BLM: variants seen among roughly 807,000 people sequenced by gnomAD.
The protein encoded by BLM is recQ-like DNA helicase BLM.
Under a neutral mutation model 135.3 loss-of-function variants are expected in BLM, and 95 were observed. The ratio of observed to expected loss-of-function variants is 0.70; its 90% CI spans 0.59 to 0.83. BLM has a LOEUF of 0.83. Ranked by LOEUF, BLM falls within the 40% of genes least tolerant of loss-of-function variation. The pLI is 0.00. For missense variants in BLM, 1,518 were observed against 1,663.9 expected (o/e 0.91, Z 1.53); for synonymous variants, 520 against 589.2 (o/e 0.88, Z 1.70).
At chr15:90,747,132 G>A (rs1169157783) in intron 1 of BLM, among the ~76,000 whole-genome samples, 1 of 150,022 alleles carries the variant, frequency 6.7e-6, no homozygotes, top group Admixed American at 6.7e-5. Flanking sequence ...TGTGGAGGAA[G>A]AGAGGGGGAA....
chr15:90,740,367 C>G (rs575472567), intron 1 of BLM, among the ~76,000 whole-genome samples: 1 of 152,276 alleles, frequency 6.6e-6, no homozygotes, highest in South Asian at 2.1e-4. Context: ...TTTCACTTAA[C>G]ATAATGGTTT....
rs1895330948 is a variant in BLM at position 90,740,281 on chromosome 15, A to G, written c.-4-7108A>G. Among the ~76,000 whole-genome samples the G allele has an allele frequency of 1.3e-5, 2 of 152,188 alleles. 1 individual carries two copies. The highest frequency in any genetic ancestry group is 4.1e-4 in the South Asian group (2 of 4,826). On this transcript the variant is annotated intron_variant, in intron 1 of 21. Transcript: ENST00000355112. ...CTAGGCAATCAGTAGTCTACACTGT[A>G]TCCATGGATATGTCTATTCTTATAC...
intron 1 of BLM, among the ~76,000 whole-genome samples, chr15:90,727,184 T>A (rs1596198269): frequency 6.6e-6 from 1 of 152,294 alleles, no homozygotes; most frequent in East Asian, 1.9e-4. Context: ...TTTTAATTTT[T>A]AAAATTTTTT....
At position 90,749,396 on chromosome 15, in the gene BLM, C is replaced by T; in HGVS notation, c.128C>T (p.Ser43Leu). 3 of 1,606,110 alleles carry T rather than the reference C, an allele frequency of 1.9e-6. No homozygotes were observed. The South Asian group carries it at 3.3e-5, about 18-fold the overall frequency. ...TTCACTTTTAAAAAGAAAACATCTT[C>T]AGATAACAATGTATCTGTAACTAAT... ...SGFTFKKKTS[S>L]DNNVSVTNVS... The change falls in exon 3 of 22, where the codon TCA becomes TTA. Residue 43 changes from serine to leucine, a missense_variant. Coordinates refer to ENST00000355112, the MANE Select transcript of BLM (RefSeq NM_000057.4).
At chr15:90,771,394 G>A (rs990657284) in intron 12 of BLM, among the ~76,000 whole-genome samples, 1 of 152,112 alleles carries the variant, frequency 6.6e-6, no homozygotes, top group Non-Finnish European at 1.5e-5. Flanking sequence ...GGCTGAGGCA[G>A]GAGAATTGCT....
At chr15:90,740,011 C>T (rs556278325) in intron 1 of BLM, among the ~76,000 whole-genome samples, 6 of 152,270 alleles carry the variant, frequency 3.9e-5, no homozygotes, top group South Asian at 4.1e-4. Flanking sequence ...GCGATCCCCC[C>T]GCCTCAGCCT....
At position 90,749,834 on chromosome 15, in the gene BLM, G is replaced by A. The variant is rs754306004; in HGVS notation, c.566G>A (p.Gly189Asp). The stretch of plus-strand genomic sequence containing the variant: ...AGCACTGCTCAGAAATCAAAAAAGG[G>A]TAAGAGAAACTTTTTTAAAGCACAG... ...RVSTAQKSKK[G>D]KRNFFKAQLY... is the part of the protein sequence containing the mutation. The change falls in exon 3 of 22, where the codon GGT (glycine) becomes GAT (aspartate). Residue 189 changes from glycine to aspartate, a missense_variant. Gly to Asp is a moderately conservative substitution (Grantham distance 94). Coordinates refer to ENST00000355112, the MANE Select transcript of BLM (RefSeq NM_000057.4). The A allele has an allele frequency of 1.3e-6, 2 of 1,593,306 alleles. No homozygotes were observed. Among genetic ancestry groups the A allele is most frequent in the African/African-American group, 2.7e-5 (2 of 73,702 alleles).
chr15:90,743,682 G>A (rs932083741), intron 1 of BLM, among the ~76,000 whole-genome samples: 31 of 152,114 alleles, frequency 2.0e-4, no homozygotes, highest in African/African-American at 7.0e-4. Flanking sequence ...TGAGACTACA[G>A]GCATGTTGGT....
chr15:90,733,480 T>C (rs573081370), intron 1 of BLM, among the ~76,000 whole-genome samples: 22 of 152,326 alleles, frequency 1.4e-4, no homozygotes, highest in African/African-American at 5.3e-4. Flanking sequence ...TAATGCTAAA[T>C]AAATTGTTTT....
chr15:90,742,509 G>A (rs1596211252), intron 1 of BLM, among the ~76,000 whole-genome samples: 1 of 152,078 alleles, frequency 6.6e-6, no homozygotes, highest in East Asian at 1.9e-4. Flanking sequence ...AATTTTGATA[G>A]ATCCCCAACC....
intron 8 of BLM, among the ~76,000 whole-genome samples, chr15:90,763,389 T>C (rs1378614075): frequency 6.6e-6 from 1 of 152,226 alleles, no homozygotes; most frequent in Admixed American, 6.5e-5. Context: ...TGTGTTGAAC[T>C]GATCTAGAAT....
rs144982724 is a variant in BLM, at chr15:90,768,743, C to T, written c.2308-390C>T. ...GTTTTTGTTTTTGTTTTTGTTTTTT[C>T]GAGACCGAGTTTCGGTATTGTTACC... is the stretch of plus-strand genomic sequence containing the variant. On this transcript the variant is annotated intron_variant, in intron 10 of 21. Transcript: ENST00000355112. Among the ~76,000 whole-genome samples the T allele has an allele frequency of 4.5e-3, 687 of 152,112 alleles. 4 individuals carry two copies. Among genetic ancestry groups the T allele is most frequent in the South Asian group, 0.024 (115 of 4,812 alleles).
chr15:90,757,409 C>T lies in BLM; in HGVS notation c.1087+2471C>T, dbSNP rs530000426. 1.1e-3 allele frequency among the ~76,000 whole-genome samples: 175 copies of T among 152,264 alleles called. 1 individual carries two copies. Among genetic ancestry groups the T allele is most frequent in the African/African-American group, 4.0e-3 (167 of 41,542 alleles). On this transcript the variant is annotated intron_variant, in intron 5 of 21. Transcript: ENST00000355112. ...GCTAGTCTCTGATAGCTAGGTACCCCCTTTTATCTCCCTCTGAGCCTGTCT... is the reference window on the plus strand; with the variant it reads ...GCTAGTCTCTGATAGCTAGGTACCCTCTTTTATCTCCCTCTGAGCCTGTCT...
Position 90,782,814 on chromosome 15 carries a change from T to C in BLM, c.2556-8T>C, listed in dbSNP as rs1567052156. The C allele has an allele frequency of 1.3e-6, 2 of 1,594,986 alleles. No homozygotes were observed. Among genetic ancestry groups the C allele is most frequent in the Non-Finnish European group, 1.7e-6 (2 of 1,162,692 alleles). ...AATAACTAAATTTTATGTTTGGGAC[T>C]TTTTTAGGTTTAGCATGAGCTTTAA... On this transcript the variant is annotated splice_polypyrimidine_tract_variant and splice_region_variant and intron_variant, in intron 12 of 21. Coordinates refer to ENST00000355112, the MANE Select transcript of BLM (RefSeq NM_000057.4).
chr15:90,736,454 G>A (rs1895219293), intron 1 of BLM, among the ~76,000 whole-genome samples: 1 of 152,028 alleles, frequency 6.6e-6, no homozygotes, highest in South Asian at 2.1e-4. Flanking sequence ...TAGAGACGGA[G>A]TCTCACCATG....
chr15:90,760,949 A>G lies in BLM; in HGVS notation c.1576A>G (p.Thr526Ala), dbSNP rs757315907. The G allele has an allele frequency of 6.2e-7, 1 of 1,613,952 alleles. No homozygotes were observed. Among genetic ancestry groups the G allele is most frequent in the African/African-American group, 1.3e-5 (1 of 74,942 alleles). ...ESSYFPGNVL[T>A]STAVKDQNKH... Reference sequence around the variant, plus strand: ...CTCTTATTTCCCAGGAAATGTTCTCACAAGCACTGCTGTGAAAGATCAGAA... The same window carrying G: ...CTCTTATTTCCCAGGAAATGTTCTCGCAAGCACTGCTGTGAAAGATCAGAA... Residue 526 changes from threonine to alanine, a missense_variant, in exon 7 of 22, where the codon ACA becomes GCA. This residue lies in a region of BLM where 724 missense variants were observed against 756.9 expected (regional missense o/e 0.96). Transcript: ENST00000355112.
intron 1 of BLM, among the ~76,000 whole-genome samples, chr15:90,719,260 G>T (rs1354827811): frequency 6.6e-6 from 1 of 152,066 alleles, no homozygotes; most frequent in African/African-American, 2.4e-5. Context: ...CAAGGTGCTG[G>T]GATTACAGGC....
Position 90,787,036 on chromosome 15 carries a change from CTTTTTTTTTTTTTTTTTTT to C in BLM, c.2823+1967_2823+1985del, listed in dbSNP as rs11366266. On this transcript the variant is annotated intron_variant, in intron 14 of 21. Coordinates refer to ENST00000355112, the MANE Select transcript of BLM (RefSeq NM_000057.4). Reference sequence around the variant, plus strand: ...AAAGCTGAAAATACTTTAGGCATCTCTTTTTTTTTTTTTTTTTTTTTTTTTTTTTTGAGACGGGAGTCTC... The same window carrying C: ...AAAGCTGAAAATACTTTAGGCATCTCTTTTTTTTTTTGAGACGGGAGTCTC... 5.2e-5 allele frequency among the ~76,000 whole-genome samples: 3 copies of C among 57,962 alleles called. No individual in the cohort carries two copies. The South Asian group carries it at 1.8e-3, about 35-fold the overall frequency. The allele number at this position is 57,962 out of a possible 152,430, so 38.0% of individuals were successfully genotyped here. A position where few individuals can be genotyped will look rare whatever the true frequency, so the allele number is the denominator to read the frequency against.
intron 21 of BLM, among the ~76,000 whole-genome samples, chr15:90,811,646 G>A (rs1897423860): frequency 6.6e-6 from 1 of 152,142 alleles, no homozygotes; most frequent in Non-Finnish European, 1.5e-5. Context: ...TAATAGTTAT[G>A]ACTAAAGTTT....
Sources: allele counts gnomAD v4.1 joint callset (sites outside exome capture counted in the v4.1 genomes callset), GRCh38; gene constraint gnomAD v4.1.1; regional missense constraint gnomAD v4.1.1; transcripts MANE v1.5; gene names NCBI Gene and HGNC (gene_info 2026-07-23, HGNC 2026-07-21).